Variants in BACE2 observed in about 807,000 individuals in gnomAD.
BACE2 encodes the protein 56 kDa aspartic-like protease.
A neutral mutation model predicts 46.2 loss-of-function variants in BACE2; 17 were observed. The observed-to-expected ratio is 0.37, with a 90% CI of 0.25 to 0.55. BACE2 has a LOEUF of 0.55. BACE2 is among the 20% of genes least tolerant of loss of function. The pLI is 0.82. For synonymous variants in BACE2, 277 were observed against 295.9 expected (o/e 0.94, Z 0.66); for missense variants, 595 against 698.1 (o/e 0.85, Z 1.66).
chr21:41,258,221 G>T (rs1395240332), intron 8 of BACE2, among the ~76,000 whole-genome samples: 1 of 152,206 alleles, frequency 6.6e-6, no homozygotes, highest in Non-Finnish European at 1.5e-5. Context: ...TATGTGAAAG[G>T]AGAGAAAAAT....
chr21:41,263,282 G>A (rs1987984917), intron 8 of BACE2, among the ~76,000 whole-genome samples: 1 of 152,158 alleles, frequency 6.6e-6, no homozygotes, highest in Non-Finnish European at 1.5e-5. Flanking sequence ...TCACTCTTAG[G>A]TGTATGCAAA....
intron 1 of BACE2, chr21:41,184,925 T>A (rs1985316358): frequency 6.0e-6 from 1 of 167,052 alleles, no homozygotes; most frequent in Non-Finnish European, 1.5e-5. Context: ...CACTATAGTA[T>A]ATAGAACCAT....
At chr21:41,272,130 G>A (rs897274345) in intron 8 of BACE2, among the ~76,000 whole-genome samples, 1 of 151,948 alleles carries the variant, frequency 6.6e-6, no homozygotes, top group African/African-American at 2.4e-5. Context: ...GTACTTTAAA[G>A]ATGTTACTCT....
chr21:41,233,384 A>AT (rs1987021593), intron 2 of BACE2, among the ~76,000 whole-genome samples: 2 of 152,194 alleles, frequency 1.3e-5, no homozygotes, highest in African/African-American at 4.8e-5. Flanking sequence ...CCTGGGTCAC[A>AT]CAGCTAATAA....
intron 2 of BACE2, chr21:41,230,259 A>T (rs573087243): frequency 6.6e-6 from 1 of 152,346 alleles, no homozygotes; most frequent in East Asian, 1.9e-4. Context: ...CCCTGCTACC[A>T]TGCTTGCTTT....
chr21:41,260,347 G>T (rs112684671), intron 8 of BACE2, among the ~76,000 whole-genome samples: 1 of 152,020 alleles, frequency 6.6e-6, no homozygotes, highest in Non-Finnish European at 1.5e-5. Flanking sequence ...GTTTTGCTGC[G>T]TTGCCCAGGC....
chr21:41,236,211 C>G (rs1987113352), intron 2 of BACE2, among the ~76,000 whole-genome samples: 1 of 152,206 alleles, frequency 6.6e-6, no homozygotes, highest in Non-Finnish European at 1.5e-5. Flanking sequence ...TAGGGTGGGA[C>G]TCCCCAGGGC....
At chr21:41,168,633 T>G in intron 1 of BACE2, 58 bp downstream of exon 1, 1 of 1,214,664 alleles carries the variant, frequency 8.2e-7, no homozygotes, top group Non-Finnish European at 1.0e-6. Context: ...GAGGGGGCTG[T>G]CCAGAGACGC....
intron 2 of BACE2, among the ~76,000 whole-genome samples, chr21:41,235,788 C>T (rs1210351170): frequency 6.6e-6 from 1 of 152,194 alleles, no homozygotes; most frequent in Non-Finnish European, 1.5e-5. Flanking sequence ...CTACTGTGAG[C>T]CATGATTGCG....
chr21:41,224,965 T>A (rs1986765816), intron 1 of BACE2, among the ~76,000 whole-genome samples: 1 of 152,224 alleles, frequency 6.6e-6, no homozygotes, highest in Non-Finnish European at 1.5e-5. Flanking sequence ...CTGGGTGCGG[T>A]GGCTCACGCC....
intron 2 of BACE2, among the ~76,000 whole-genome samples, chr21:41,229,516 G>C (rs1986915989): frequency 6.6e-6 from 1 of 152,152 alleles, no homozygotes; most frequent in African/African-American, 2.4e-5. Flanking sequence ...AGTCCATCAA[G>C]GTCAAAGTAT....
intron 4 of BACE2, among the ~76,000 whole-genome samples, chr21:41,242,379 A>G (rs1485572848): frequency 2.0e-5 from 3 of 152,000 alleles, no homozygotes; most frequent in Non-Finnish European, 2.9e-5. Context: ...GCACACACGC[A>G]CCACAGCACA....
At chr21:41,168,666 C>T in intron 1 of BACE2, 91 bp downstream of exon 1, 4 of 1,042,404 alleles carry the variant, frequency 3.8e-6, no homozygotes, top group Non-Finnish European at 5.0e-6. Context: ...TAGCGTCGCC[C>T]CCAAAGCAGC....
chr21:41,173,058 C>A (rs367866036), intron 1 of BACE2, among the ~76,000 whole-genome samples: 1 of 152,230 alleles, frequency 6.6e-6, no homozygotes. Flanking sequence ...CTGCCCTCCT[C>A]TAACCTGACC....
chr21:41,275,392 C>G lies in BACE2; in HGVS notation c.1325C>G (p.Ser442Cys). Reference sequence around the variant, plus strand: ...CCAGAAATTGCAGGTGCTGCAGTGTCTGAAATTTCCGGGCCTTTCTCAACA... The same window carrying G: ...CCAGAAATTGCAGGTGCTGCAGTGTGTGAAATTTCCGGGCCTTTCTCAACA... Reference protein sequence around the residue: ...PCAEIAGAAVSEISGPFSTED... With the variant: ...PCAEIAGAAVCEISGPFSTED... Residue 442 changes from serine (S) to cysteine (C), a missense_variant, in exon 9 of 9, where the codon TCT becomes TGT. Around this residue, in one of 3 missense-constraint regions of BACE2, gnomAD observed 343 missense variants for 419.4 expected, o/e 0.82. Coordinates refer to ENST00000330333, the MANE Select transcript of BACE2 (RefSeq NM_012105.5). The G allele has an allele frequency of 6.2e-7, 1 of 1,614,192 alleles. No individual in the cohort carries two copies. The highest frequency in any genetic ancestry group is 2.2e-5 in the East Asian group (1 of 44,878).
At chr21:41,238,801 G>T (rs13050880) in intron 3 of BACE2, among the ~76,000 whole-genome samples, 9 of 116,788 alleles carry the variant, frequency 7.7e-5, no homozygotes, top group Non-Finnish European at 3.4e-5. Flanking sequence ...TGGGGACTGT[G>T]GTGGGGTGGG....
At position 41,276,952 on chromosome 21, in the gene BACE2, C is replaced by T. The variant is rs542721806; in HGVS notation, c.*1328C>T. 1 of 152,218 alleles carries T rather than the reference C, an allele frequency of 6.6e-6. No individual in the cohort carries two copies. Among genetic ancestry groups the T allele is most frequent in the South Asian group, 2.1e-4 (1 of 4,824 alleles). 9.4% of individuals were successfully genotyped at this position (152,218 alleles called of 1,614,324 possible). Reference sequence around the variant, plus strand: ...CCCTACTTTCTGTCACTTATCGAGGCCTTTGCCAAAGAAAAGTGGAAGCCG... The same window carrying T: ...CCCTACTTTCTGTCACTTATCGAGGTCTTTGCCAAAGAAAAGTGGAAGCCG... On this transcript the variant is annotated 3_prime_UTR_variant, in exon 9 of 9. Transcript: ENST00000330333.
rs372010762 is a variant in BACE2, at chr21:41,246,083, A to G, written c.984+20A>G. ...TCTCTGGTGAGTCCTCGGGACACTC[A>G]CGGGTCCCCGAGTTGCTGAGTTACA... On this transcript the variant is annotated intron_variant, in intron 6 of 8. Transcript: ENST00000330333. The G allele has an allele frequency of 1.3e-6, 2 of 1,570,600 alleles. No homozygotes were observed. Among genetic ancestry groups the G allele is most frequent in the East Asian group, 2.3e-5 (1 of 42,940 alleles).
chr21:41,212,181 A>G (rs544114903), intron 1 of BACE2, among the ~76,000 whole-genome samples: 10 of 152,350 alleles, frequency 6.6e-5, no homozygotes, highest in Non-Finnish European at 1.2e-4. Context: ...TCCAAGACCC[A>G]GGCACTGGCA....
Sources: gnomAD v4.1 joint callset for allele counts (sites outside exome capture counted in the v4.1 genomes callset) on GRCh38, gnomAD v4.1.1 for gene constraint, gnomAD v4.1.1 regional missense constraint, MANE v1.5 for transcripts, NCBI Gene and HGNC (gene_info 2026-07-23, HGNC 2026-07-21) for gene names.